Variants in PAPSS2 observed in about 807,000 individuals in gnomAD.
The protein encoded by PAPSS2 is bifunctional 3'-phosphoadenosine 5'-phosphosulfate synthase 2.
A neutral mutation model predicts 66.5 loss-of-function variants in PAPSS2; 61 were observed. The observed-to-expected ratio is 0.92, with a 90% CI of 0.75 to 1.14. The LOEUF (loss-of-function observed/expected upper bound fraction) is 1.14, where lower values mean the gene tolerates loss of function less well. Among genes scored for constraint, PAPSS2 ranks in the 50% most tolerant of loss-of-function variants. The pLI, the probability that PAPSS2 is intolerant of heterozygous loss-of-function variation, is 0.00. For synonymous variants in PAPSS2, 289 were observed against 287.5 expected (o/e 1.01, Z -0.05); for missense variants, 708 against 789.6 (o/e 0.90, Z 1.24).
intron 1 of PAPSS2, among the ~76,000 whole-genome samples, chr10:87,697,613 G>A (rs1374259471): frequency 6.6e-6 from 1 of 152,328 alleles, no homozygotes; most frequent in African/African-American, 2.4e-5. Context: ...GCAGTCCAAG[G>A]AAAATAAGGC....
chr10:87,675,491 G>GT (rs372191641), intron 1 of PAPSS2, among the ~76,000 whole-genome samples: 224 of 151,228 alleles, frequency 1.5e-3, no homozygotes, highest in Non-Finnish European at 2.5e-3. Context: ...TTTTGTTGCT[G>GT]TAAGTCAAGC....
intron 1 of PAPSS2, among the ~76,000 whole-genome samples, chr10:87,695,783 C>A (rs952172188): frequency 6.6e-6 from 1 of 152,180 alleles, no homozygotes; most frequent in African/African-American, 2.4e-5. Flanking sequence ...TATAAGCCCT[C>A]GTCGTCATTT....
chr10:87,745,276 G>T (rs1853923910), intron 12 of PAPSS2, 45 bp downstream of exon 12: 3 of 1,467,558 alleles, frequency 2.0e-6, no homozygotes, highest in Non-Finnish European at 2.8e-6. Context: ...CTGTATAAAA[G>T]AAATGATGAG....
chr10:87,711,086 T>C (rs560131063), intron 2 of PAPSS2, among the ~76,000 whole-genome samples: 3 of 152,366 alleles, frequency 2.0e-5, no homozygotes, highest in Non-Finnish European at 4.4e-5. Flanking sequence ...AAAGGTAGGC[T>C]GTTGACCAGG....
chr10:87,690,503 G>T (rs183688180), intron 1 of PAPSS2, among the ~76,000 whole-genome samples: 1 of 152,182 alleles, frequency 6.6e-6, no homozygotes, highest in Non-Finnish European at 1.5e-5. Flanking sequence ...ATACCTGCTT[G>T]TGTATATATC....
Position 87,744,017 on chromosome 10 carries a change from G to A in PAPSS2, c.1491+376G>A, listed in dbSNP as rs570922769. ...CTCGGGAAGCTGAGGCAGGAGAATCGCTTGAACCTGGGAGGTGGAGGTTGC... is the reference window on the plus strand; with the variant it reads ...CTCGGGAAGCTGAGGCAGGAGAATCACTTGAACCTGGGAGGTGGAGGTTGC... On this transcript the variant is annotated intron_variant, in intron 11 of 12. Transcript: ENST00000456849. 1.6e-3 allele frequency among the ~76,000 whole-genome samples: 239 copies of A among 152,140 alleles called. 1 individual carries two copies. Among genetic ancestry groups the A allele is most frequent in the Non-Finnish European group, 2.7e-3 (183 of 68,006 alleles).
At chr10:87,667,153 G>T in intron 1 of PAPSS2, among the ~76,000 whole-genome samples, 1 of 151,958 alleles carries the variant, frequency 6.6e-6, no homozygotes, top group Admixed American at 6.6e-5. Context: ...CCACATTTTT[G>T]AAAAATTTAC....
chr10:87,743,303 C>A, intron 10 of PAPSS2, 70 bp from the exon 11 acceptor site: 2 of 1,465,280 alleles, frequency 1.4e-6, no homozygotes, highest in Non-Finnish European at 1.9e-6. Context: ...TAGCTGTGTC[C>A]TTTCTGTTCT....
intron 8 of PAPSS2, among the ~76,000 whole-genome samples, chr10:87,726,775 T>C (rs1853664604): frequency 6.6e-6 from 1 of 152,238 alleles, no homozygotes. Context: ...ATCAATTATC[T>C]GATTTTTTTC....
At position 87,745,953 on chromosome 10, in the gene PAPSS2, T is replaced by C; in HGVS notation, c.1843T>C (p.Ser615Pro). The change falls in exon 13 of 13, where the codon TCC becomes CCC. Residue 615 changes from serine to proline, a missense_variant. Coordinates refer to ENST00000456849, the MANE Select transcript of PAPSS2 (RefSeq NM_001015880.2). ...GAAGGTCCTGACAGATTATTACAGG[T>C]CCCTGGAGAAGAACTAAGCCTTTGG... is the stretch of plus-strand genomic sequence containing the variant. Reference protein sequence around the residue: ...AWKVLTDYYRSLEKN With the variant: ...AWKVLTDYYRPLEKN 1 of 1,614,094 alleles carries C rather than the reference T, an allele frequency of 6.2e-7. No homozygotes were observed. The highest frequency in any genetic ancestry group is 8.5e-7 in the Non-Finnish European group (1 of 1,179,970).
In PAPSS2 at chr10:87,663,301, G is replaced by A. The variant is rs182633059; in HGVS notation, c.27+3293G>A. Among the ~76,000 whole-genome samples the A allele has an allele frequency of 4.1e-3, 626 of 151,934 alleles. 7 individuals are homozygous for A. The highest frequency in any genetic ancestry group is 0.014 in the African/African-American group (595 of 41,412). Reference sequence around the variant, plus strand: ...TAATTTTTGTATTTTTAGTAGAGACGGGGTTTTGCCACGTTGGTCAGGCTG... The same window carrying A: ...TAATTTTTGTATTTTTAGTAGAGACAGGGTTTTGCCACGTTGGTCAGGCTG... On this transcript the variant is annotated intron_variant, in intron 1 of 12. Coordinates refer to ENST00000456849, the MANE Select transcript of PAPSS2 (RefSeq NM_001015880.2).
chr10:87,691,540 G>A (rs549785030), intron 1 of PAPSS2, among the ~76,000 whole-genome samples: 3 of 151,380 alleles, frequency 2.0e-5, no homozygotes, highest in South Asian at 2.1e-4. Flanking sequence ...GGGCCCTACC[G>A]CCGACCACTT....
At chr10:87,745,345 C>A in intron 12 of PAPSS2, 114 bp downstream of exon 12, 1 of 821,500 alleles carries the variant, frequency 1.2e-6, no homozygotes, top group Non-Finnish European at 2.1e-6. Context: ...CCCAAGTGGA[C>A]TGAGTCCCTT....
intron 1 of PAPSS2, among the ~76,000 whole-genome samples, chr10:87,665,271 G>T (rs924499898): frequency 3.3e-5 from 5 of 151,932 alleles, no homozygotes; most frequent in African/African-American, 1.2e-4. Flanking sequence ...GAGTGCAGTG[G>T]CGTGATCTCA....
At chr10:87,703,938 T>C (rs1853350559) in intron 1 of PAPSS2, 2 of 496,628 alleles carry the variant, frequency 4.0e-6, no homozygotes, top group Admixed American at 4.3e-5. Flanking sequence ...ACATGTGTTT[T>C]GCTTTCTATA....
intron 8 of PAPSS2, among the ~76,000 whole-genome samples, chr10:87,726,273 T>C (rs1008192007): frequency 1.3e-5 from 2 of 152,006 alleles, no homozygotes; most frequent in Admixed American, 1.3e-4. Context: ...CTACTAAAAA[T>C]ACAAAAATTA....
chr10:87,668,241 C>T (rs767540995), intron 1 of PAPSS2, among the ~76,000 whole-genome samples: 6 of 152,124 alleles, frequency 3.9e-5, no homozygotes, highest in Admixed American at 6.5e-5. Flanking sequence ...GCTGGGGGTC[C>T]CATGTGTATT....
intron 3 of PAPSS2, 107 bp from the exon 4 acceptor site, chr10:87,713,937 C>T: frequency 8.6e-7 from 1 of 1,157,420 alleles, no homozygotes; most frequent in Non-Finnish European, 1.3e-6. Flanking sequence ...AAAGCACAAA[C>T]CCCAGTGTTA....
chr10:87,677,012 G>C (rs1852958253), intron 1 of PAPSS2, among the ~76,000 whole-genome samples: 1 of 149,294 alleles, frequency 6.7e-6, no homozygotes, highest in Non-Finnish European at 1.5e-5. Context: ...TGGACAACAT[G>C]ATGAAACCCC....
Sources: gnomAD v4.1 joint callset for allele counts (sites outside exome capture counted in the v4.1 genomes callset) on GRCh38, gnomAD v4.1.1 for gene constraint, MANE v1.5 for transcripts, NCBI Gene and HGNC (gene_info 2026-07-23, HGNC 2026-07-21) for gene names.